Variants in NCOA1 observed in about 807,000 individuals in gnomAD.
The protein encoded by NCOA1 is nuclear receptor coactivator 1, also known as Hin-2 protein.
NCOA1 carries 35 observed loss-of-function variants against 150.9 expected under a neutral mutation model. The ratio of observed to expected loss-of-function variants is 0.23; its 90% CI spans 0.18 to 0.31. The LOEUF (loss-of-function observed/expected upper bound fraction) is 0.31, where lower values mean the gene tolerates loss of function less well. Among genes scored for constraint, NCOA1 ranks in the 10% least tolerant of loss-of-function variants. NCOA1 has a pLI of 1.00. For synonymous variants in NCOA1, 590 were observed against 630.0 expected, an observed-to-expected ratio of 0.94 and a Z score of 0.95; for missense variants, 1,491 against 1,749.3, an observed-to-expected ratio of 0.85 and a Z score of 2.63.
At chr2:24,749,418 G>A (rs867088643) in intron 19 of NCOA1, among the ~76,000 whole-genome samples, 2 of 152,190 alleles carry the variant, frequency 1.3e-5, no homozygotes, top group African/African-American at 2.4e-5. Context: ...GCTGATGCGC[G>A]CACGCGGGCA....
intron 1 of NCOA1, among the ~76,000 whole-genome samples, chr2:24,508,339 A>ATTAT (rs1296695039): frequency 6.6e-6 from 1 of 152,082 alleles, no homozygotes; most frequent in African/African-American, 2.4e-5. Flanking sequence ...TAAGACTTTT[A>ATTAT]TATTAGGTTA....
At chr2:24,645,458 A>C (rs1192591077) in intron 4 of NCOA1, among the ~76,000 whole-genome samples, 1 of 150,522 alleles carries the variant, frequency 6.6e-6, no homozygotes, top group African/African-American at 2.4e-5. Context: ...TGCAGTGAGC[A>C]GAGATCGAGC....
At chr2:24,628,347 A>G (rs1669528502) in intron 3 of NCOA1, among the ~76,000 whole-genome samples, 1 of 151,422 alleles carries the variant, frequency 6.6e-6, no homozygotes, top group African/African-American at 2.4e-5. Flanking sequence ...TCGTGCCATT[A>G]TTCTGAAGCT....
At chr2:24,666,222 GC>G (rs1671420772) in intron 6 of NCOA1, among the ~76,000 whole-genome samples, 1 of 151,762 alleles carries the variant, frequency 6.6e-6, no homozygotes, top group Non-Finnish European at 1.5e-5. Context: ...CACCATGTTA[GC>G]CAGGATGGTC....
chr2:24,527,179 T>A (rs1379140550), intron 1 of NCOA1, among the ~76,000 whole-genome samples: 1 of 152,188 alleles, frequency 6.6e-6, no homozygotes, highest in Non-Finnish European at 1.5e-5. Context: ...TAAGAGCAGC[T>A]ATCATCTATC....
intron 2 of NCOA1, among the ~76,000 whole-genome samples, chr2:24,569,431 G>A (rs932303247): frequency 6.6e-6 from 1 of 151,642 alleles, no homozygotes; most frequent in South Asian, 2.1e-4. Flanking sequence ...TTATATTCAT[G>A]ATATCATGAA....
intron 14 of NCOA1, among the ~76,000 whole-genome samples, chr2:24,713,291 A>G (rs1005818105): frequency 5.9e-5 from 9 of 151,922 alleles, no homozygotes; most frequent in African/African-American, 2.2e-4. Flanking sequence ...AAAATAAAAG[A>G]ATTACACAAA....
intron 17 of NCOA1, among the ~76,000 whole-genome samples, chr2:24,735,233 T>C (rs1663236058): frequency 6.6e-6 from 1 of 152,290 alleles, no homozygotes; most frequent in Admixed American, 6.5e-5. Context: ...TCAAAGAAGA[T>C]GTTTCCAACC....
intron 15 of NCOA1, 33 bp downstream of exon 15, chr2:24,726,739 C>A: frequency 7.5e-7 from 1 of 1,338,768 alleles, no homozygotes; most frequent in South Asian, 1.3e-5. Flanking sequence ...TATAAGGTAT[C>A]AGATACCAAC....
rs1328213233 is a variant in NCOA1 at position 24,711,183 on chromosome 2, G to A, written c.2599+72G>A. 3 of 1,394,784 alleles carry A rather than the reference G, an allele frequency of 2.2e-6. No homozygotes were observed. In the African/African-American group the frequency reaches 4.3e-5, roughly 20 times the overall value. 86.4% of individuals were successfully genotyped at this position (1,394,784 alleles called of 1,614,324 possible). ...TGGATTAGCATTTTGTCTCTCACCA[G>A]TATTACACAGATCCTTTGCTTAAGA... On this transcript the variant is annotated intron_variant, in intron 14 of 22. Coordinates refer to ENST00000348332, the MANE Select transcript of NCOA1 (RefSeq NM_003743.5).
chr2:24,647,935 T>C (rs1197874617), intron 4 of NCOA1, among the ~76,000 whole-genome samples: 4 of 152,188 alleles, frequency 2.6e-5, no homozygotes, highest in Non-Finnish European at 4.4e-5. Flanking sequence ...TGAGCATTCT[T>C]TTTATTGTTA....
chr2:24,761,826 C>T (rs1664806611), intron 21 of NCOA1, among the ~76,000 whole-genome samples: 2 of 152,224 alleles, frequency 1.3e-5, no homozygotes, highest in Admixed American at 6.5e-5. Flanking sequence ...ACCTTACCAC[C>T]AAGGTAAAAC....
At chr2:24,654,550 A>T (rs2148483571) in intron 4 of NCOA1, among the ~76,000 whole-genome samples, 1 of 152,342 alleles carries the variant, frequency 6.6e-6, no homozygotes, top group South Asian at 2.1e-4. Context: ...GATTGTGGAC[A>T]TTCAGATACC....
chr2:24,651,801 T>G (rs1327993304), intron 4 of NCOA1, among the ~76,000 whole-genome samples: 1 of 152,022 alleles, frequency 6.6e-6, no homozygotes, highest in Non-Finnish European at 1.5e-5. Context: ...TCATTAGTGA[T>G]TAGGGAAATA....
At chr2:24,631,891 T>G (rs1669726520) in intron 3 of NCOA1, among the ~76,000 whole-genome samples, 1 of 152,186 alleles carries the variant, frequency 6.6e-6, no homozygotes, top group Admixed American at 6.5e-5. Context: ...GCTTACTGCT[T>G]CTCAATGTCA....
At chr2:24,510,784 C>G (rs77549387) in intron 1 of NCOA1, among the ~76,000 whole-genome samples, 5,976 of 152,208 alleles carry the variant, frequency 0.039, 164 homozygotes, top group African/African-American at 0.081. Context: ...GCCATATTCT[C>G]TTTACTGTGG....
At chr2:24,745,720 A>T (rs6743009) in intron 19 of NCOA1, among the ~76,000 whole-genome samples, 6,450 of 152,214 alleles carry the variant, frequency 0.042, 215 homozygotes, top group African/African-American at 0.093. Context: ...GCCTACTGGA[A>T]ACATATACTT....
intron 2 of NCOA1, among the ~76,000 whole-genome samples, chr2:24,574,798 A>G (rs1241599281): frequency 6.6e-6 from 1 of 152,000 alleles, no homozygotes; most frequent in Non-Finnish European, 1.5e-5. Context: ...CCCCCTTCCA[A>G]TCTTGCGCCA....
At chr2:24,737,570 T>A (rs748708707) in intron 17 of NCOA1, among the ~76,000 whole-genome samples, 21 of 152,188 alleles carry the variant, frequency 1.4e-4, no homozygotes, top group Non-Finnish European at 2.8e-4. Flanking sequence ...CTCTCCTGTT[T>A]TTTTACTTGC....
Sources: gnomAD v4.1 joint callset for allele counts (sites outside exome capture counted in the v4.1 genomes callset) on GRCh38, gnomAD v4.1.1 for gene constraint, MANE v1.5 for transcripts, NCBI Gene and HGNC (gene_info 2026-07-23, HGNC 2026-07-21) for gene names.